The following ZFTRAF1 variants were observed in gnomAD, a reference collection of about 807,000 sequenced individuals.
ZFTRAF1 encodes the protein zinc finger TRAF-type and ring finger containing 1, also known as zinc finger TRAF-type-containing protein 1.
the ZFTRAF1 span, among the ~76,000 whole-genome samples, chr8:144,461,109 G>A: frequency 6.6e-6 from 1 of 152,142 alleles, no homozygotes; most frequent in East Asian, 1.9e-4. Context: ...CAGGCACACT[G>A]GGGTCCTCCC....
At chr8:144,457,828 C>G in the ZFTRAF1 span, 1 of 152,306 alleles carries the variant, frequency 6.6e-6, no homozygotes, top group South Asian at 2.1e-4. Context: ...CCCTGGGGAC[C>G]TCCTGTTTGC....
the ZFTRAF1 span, chr8:144,452,609 G>T: frequency 6.6e-6 from 10 of 1,514,438 alleles, no homozygotes; most frequent in Admixed American, 2.0e-5. Flanking sequence ...ACTGAGCCCC[G>T]AACAGGAGGC....
chr8:144,459,202 C>T, the ZFTRAF1 span, among the ~76,000 whole-genome samples: 1 of 152,244 alleles, frequency 6.6e-6, no homozygotes, highest in African/African-American at 2.4e-5. Flanking sequence ...TGCCAACAGG[C>T]CACACTGCCC....
At chr8:144,460,608 C>A in the ZFTRAF1 span, among the ~76,000 whole-genome samples, 1 of 152,238 alleles carries the variant, frequency 6.6e-6, no homozygotes, top group Non-Finnish European at 1.5e-5. Context: ...TCTGGCCAAG[C>A]GCAGTGGCTC....
chr8:144,459,962 G>A, the ZFTRAF1 span, among the ~76,000 whole-genome samples: 1 of 152,252 alleles, frequency 6.6e-6, no homozygotes, highest in Admixed American at 6.5e-5. Context: ...CTGAACCCAA[G>A]CTGGGGTGAT....
chr8:144,449,819 G>T, the ZFTRAF1 span: 5 of 162,524 alleles, frequency 3.1e-5, no homozygotes, highest in South Asian at 1.6e-4. Context: ...TTCCTCGGGG[G>T]ACGTGTGCGG....
At chr8:144,450,010 CGGAACCCGCA>C in the ZFTRAF1 span, 6 of 260,468 alleles carry the variant, frequency 2.3e-5, no homozygotes, top group Non-Finnish European at 3.7e-5. Context: ...CGCGCCCCGC[CGGAACCCGCA>C]GGGATGGAGC....
At chr8:144,461,885 G>A in the ZFTRAF1 span, among the ~76,000 whole-genome samples, 6 of 152,148 alleles carry the variant, frequency 3.9e-5, no homozygotes, top group Non-Finnish European at 5.9e-5. Flanking sequence ...CTGAGCCCAG[G>A]GAGCTTGGGA....
chr8:144,454,897 G>T, the ZFTRAF1 span: 1 of 152,318 alleles, frequency 6.6e-6, no homozygotes, highest in Non-Finnish European at 1.5e-5. Context: ...TAGGCCTAAG[G>T]CCTGCTGAGT....
chr8:144,458,918 A>G, the ZFTRAF1 span, among the ~76,000 whole-genome samples: 1 of 152,166 alleles, frequency 6.6e-6, no homozygotes, highest in Non-Finnish European at 1.5e-5. Context: ...CCCGGCACTT[A>G]CACCCGAGTG....
chr8:144,461,948 G>C, the ZFTRAF1 span, among the ~76,000 whole-genome samples: 1 of 152,166 alleles, frequency 6.6e-6, no homozygotes, highest in African/African-American at 2.4e-5. Context: ...TGAGGCTGTG[G>C]GTTGGGAGAG....
At chr8:144,452,814 T>C in the ZFTRAF1 span, among the ~76,000 whole-genome samples, 1 of 152,178 alleles carries the variant, frequency 6.6e-6, no homozygotes, top group Non-Finnish European at 1.5e-5. Flanking sequence ...CACCATGGCG[T>C]GGTTCTCTCC....
the ZFTRAF1 span, chr8:144,450,191 C>G: frequency 7.0e-6 from 4 of 573,938 alleles, no homozygotes; most frequent in African/African-American, 7.5e-5. Context: ...AGGCAGGGGT[C>G]GGGGGGGTGA....
At chr8:144,452,505 A>G in the ZFTRAF1 span, 1 of 1,544,296 alleles carries the variant, frequency 6.5e-7, no homozygotes. Flanking sequence ...AGCCTCGTGC[A>G]CCGTCAGCTC....
At chr8:144,458,742 C>G in the ZFTRAF1 span, among the ~76,000 whole-genome samples, 4 of 152,196 alleles carry the variant, frequency 2.6e-5, no homozygotes, top group African/African-American at 7.2e-5. Context: ...ATCCTTGTAG[C>G]AAGGAGAGAA....
the ZFTRAF1 span, chr8:144,453,199 C>T: frequency 6.5e-7 from 1 of 1,547,160 alleles, no homozygotes; most frequent in Non-Finnish European, 8.7e-7. Flanking sequence ...GCCTGTAAGG[C>T]TAAGCCCCTG....
chr8:144,460,289 G>A, the ZFTRAF1 span, among the ~76,000 whole-genome samples: 2 of 152,260 alleles, frequency 1.3e-5, no homozygotes, highest in Admixed American at 1.3e-4. Flanking sequence ...CACCTGTTCA[G>A]CTCCCTGCCT....
At chr8:144,462,570 C>A in the ZFTRAF1 span, 1 of 142,686 alleles carries the variant, frequency 7.0e-6, no homozygotes, top group South Asian at 1.8e-4. Flanking sequence ...GGCCCGGCTC[C>A]GACCCCGACC....
chr8:144,450,867 G>T, the ZFTRAF1 span: 1 of 606,662 alleles, frequency 1.6e-6, no homozygotes, highest in Middle Eastern at 4.4e-4. Context: ...AGGCTCAGCC[G>T]GGGAGGAAGG....
Sources: allele counts gnomAD v4.1 joint callset (sites outside exome capture counted in the v4.1 genomes callset), GRCh38; gene constraint gnomAD v4.1.1; transcripts MANE v1.5; gene names NCBI Gene and HGNC (gene_info 2026-07-23, HGNC 2026-07-21).